The following TBC1D15 variants were observed in gnomAD, a reference collection of about 807,000 sequenced individuals.
TBC1D15 encodes the protein GAP for RAB7.
TBC1D15 carries 39 observed loss-of-function variants against 95.4 expected under a neutral mutation model. The observed-to-expected ratio is 0.41, with a 90% CI of 0.32 to 0.53. The LOEUF is 0.53. TBC1D15 is among the 20% of genes least tolerant of loss of function. TBC1D15 has a pLI of 0.29. For synonymous variants in TBC1D15, 258 were observed against 261.3 expected (o/e 0.99, Z 0.12); for missense variants, 733 against 794.3 (o/e 0.92, Z 0.93).
chr12:71,884,977 C>A lies in TBC1D15; in HGVS notation c.510C>A (p.Ser170Arg), dbSNP rs760324166. The A allele has an allele frequency of 2.5e-6, 4 of 1,613,904 alleles. No individual in the cohort carries two copies. Among genetic ancestry groups the A allele is most frequent in the Middle Eastern group, 1.7e-4 (1 of 6,060 alleles). ...CTCTACACTTTCATCAAGGAGATAG[C>A]AAACTACTGATTGAATCTCTTGAAA... ...LPALHFHQGD[S>R]KLLIESLEKY... The change falls in exon 5 of 17, where the codon AGC (serine) becomes AGA (arginine). Residue 170 changes from serine (S) to arginine (R), a missense_variant. Physicochemically the swap from Ser to Arg is moderately radical, Grantham distance 110 (BLOSUM62 -1). Coordinates refer to ENST00000485960, the MANE Select transcript of TBC1D15 (RefSeq NM_001146213.3).
At chr12:71,897,303 T>A (rs542841508) in intron 9 of TBC1D15, 2 of 154,112 alleles carry the variant, frequency 1.3e-5, no homozygotes, top group East Asian at 3.8e-4. Context: ...CTTCTTGTTC[T>A]CAGTTGTCAG....
At chr12:71,855,657 G>T in intron 1 of TBC1D15, among the ~76,000 whole-genome samples, 1 of 104,020 alleles carries the variant, frequency 9.6e-6, no homozygotes, top group African/African-American at 4.0e-5. Context: ...GACAGAGCGA[G>T]ACTCCATCTC....
At chr12:71,913,798 C>T in intron 11 of TBC1D15, 28 bp from the exon 12 acceptor site, 3 of 1,522,946 alleles carry the variant, frequency 2.0e-6, no homozygotes, top group Non-Finnish European at 2.7e-6. Context: ...CTTGGGTTTT[C>T]AGAGATGATT....
chr12:71,839,949 G>T (rs1029551608), intron 1 of TBC1D15, 138 bp downstream of exon 1: 1 of 1,099,328 alleles, frequency 9.1e-7, no homozygotes, highest in Non-Finnish European at 1.3e-6. Context: ...AGAAGACTGG[G>T]TGGTACCAGC....
intron 1 of TBC1D15, among the ~76,000 whole-genome samples, chr12:71,843,930 AT>A (rs545237451): frequency 6.6e-6 from 1 of 151,888 alleles, no homozygotes; most frequent in African/African-American, 2.4e-5. Flanking sequence ...TGTATTGTGC[AT>A]TTTTTTTAGT....
intron 11 of TBC1D15, among the ~76,000 whole-genome samples, chr12:71,908,612 A>G (rs1333698206): frequency 1.3e-5 from 2 of 152,144 alleles, no homozygotes; most frequent in African/African-American, 4.8e-5. Context: ...TGGTGACAGT[A>G]AGTCAAAAGT....
rs1017766525 is a variant in TBC1D15, at chr12:71,907,255, G to A, written c.1300+117G>A. 1.0e-5 allele frequency: 6 copies of A among 597,278 alleles called. No individual in the cohort carries two copies. In the East Asian group the frequency reaches 1.5e-4, roughly 15 times the overall value. The allele number at this position is 597,278 out of a possible 1,614,324, so 37.0% of individuals were successfully genotyped here. ...TGTAGGCCTAGTTTTAAGAGAATTT[G>A]TTCTCCAGGGGACTGGAAACTTACA... On this transcript the variant is annotated intron_variant, in intron 11 of 16. Coordinates refer to ENST00000485960, the MANE Select transcript of TBC1D15 (RefSeq NM_001146213.3).
Position 71,923,524 on chromosome 12 carries a change from C to T in TBC1D15, c.*320C>T, listed in dbSNP as rs1179518302. On this transcript the variant is annotated 3_prime_UTR_variant, in exon 17 of 17. Transcript: ENST00000485960. ...GAAATTATGCACTTTGAAAAACATT[C>T]ACTTTGTTTAAGCTTATTGGGTTTC... The T allele has an allele frequency of 4.2e-6, 1 of 238,370 alleles. No homozygotes were observed. Among genetic ancestry groups the T allele is most frequent in the South Asian group, 8.1e-5 (1 of 12,354 alleles). The allele number at this position is 238,370 out of a possible 1,614,324, so 14.8% of individuals were successfully genotyped here.
At position 71,840,454 on chromosome 12, in the gene TBC1D15, G is replaced by A. The variant is rs528318495; in HGVS notation, c.30+643G>A. On this transcript the variant is annotated intron_variant, in intron 1 of 16. Transcript: ENST00000485960. Reference sequence around the variant, plus strand: ...TTATTTCCTAGGCATTTCAGTAGGAGTATTGGTCATGCTGGTTTACGGAGG... The same window carrying A: ...TTATTTCCTAGGCATTTCAGTAGGAATATTGGTCATGCTGGTTTACGGAGG... Among the ~76,000 whole-genome samples, 15 of 152,298 alleles carry A rather than the reference G, an allele frequency of 9.8e-5. 1 individual carries two copies. The South Asian group carries it at 3.1e-3, about 32-fold the overall frequency.
At chr12:71,879,892 A>T (rs930301480) in intron 3 of TBC1D15, among the ~76,000 whole-genome samples, 1 of 152,176 alleles carries the variant, frequency 6.6e-6, no homozygotes, top group East Asian at 1.9e-4. Flanking sequence ...CTTTTGTTGT[A>T]TAGAAATTAA....
chr12:71,846,078 C>A (rs934886647), intron 1 of TBC1D15, among the ~76,000 whole-genome samples: 2 of 152,214 alleles, frequency 1.3e-5, no homozygotes, highest in South Asian at 2.1e-4. Flanking sequence ...TTTTCTGCCT[C>A]ATTTTTGCTT....
chr12:71,868,915 T>C (rs1316493898), intron 1 of TBC1D15: 2 of 152,224 alleles, frequency 1.3e-5, no homozygotes, highest in African/African-American at 4.8e-5. Flanking sequence ...TGAAGTGTTA[T>C]TTCTGAGTAT....
intron 10 of TBC1D15, among the ~76,000 whole-genome samples, chr12:71,905,072 T>C (rs1900353524): frequency 6.6e-6 from 1 of 152,222 alleles, no homozygotes; most frequent in Non-Finnish European, 1.5e-5. Context: ...TTTCTAGAAA[T>C]AATTATAAAA....
intron 10 of TBC1D15, among the ~76,000 whole-genome samples, chr12:71,906,143 G>A: frequency 6.6e-6 from 1 of 152,194 alleles, no homozygotes; most frequent in East Asian, 1.9e-4. Context: ...AAAGTGCTGG[G>A]ATTACAGGTG....
chr12:71,893,239 G>A lies in TBC1D15; in HGVS notation c.572G>A (p.Arg191Lys). 6.2e-7 allele frequency: 1 copy of A among 1,601,688 alleles called. No homozygotes were observed. The highest frequency in any genetic ancestry group is 8.5e-7 in the Non-Finnish European group (1 of 1,174,162). Residue 191 changes from arginine (R) to lysine (K), a missense_variant, in exon 6 of 17, where the codon AGA (arginine) becomes AAA (lysine). Arg to Lys is a conservative substitution (Grantham distance 26). Coordinates refer to ENST00000485960, the MANE Select transcript of TBC1D15 (RefSeq NM_001146213.3). ...VVLCESPQDK[R>K]TLLVNCQNKS... is the part of the protein sequence containing the mutation. ...TATTATAGATCTCCACAGGATAAAAGAACACTTCTTGTGAATTGTCAGAAT... is the reference window on the plus strand; with the variant it reads ...TATTATAGATCTCCACAGGATAAAAAAACACTTCTTGTGAATTGTCAGAAT...
At chr12:71,898,028 T>C (rs1273573552) in intron 10 of TBC1D15, 87 bp downstream of exon 10, 3 of 934,856 alleles carry the variant, frequency 3.2e-6, no homozygotes, top group Non-Finnish European at 5.1e-6. Flanking sequence ...TACATGGTAA[T>C]AGCACTAGGG....
intron 1 of TBC1D15, among the ~76,000 whole-genome samples, chr12:71,859,775 T>C (rs1324962763): frequency 6.6e-6 from 1 of 151,964 alleles, no homozygotes; most frequent in Non-Finnish European, 1.5e-5. Context: ...GCCCAGCTGA[T>C]TTCTTTTGTA....
chr12:71,915,448 T>TAAAAAAAAAAAAAAAAAAAAAAAAA (rs1236554792), intron 12 of TBC1D15, among the ~76,000 whole-genome samples: 1 of 130,510 alleles, frequency 7.7e-6, no homozygotes. Context: ...GTAGATATTC[T>TAAAAAAAAAAAAAAAAAAAAAAAAA]AAAAAAAAAA....
intron 16 of TBC1D15, among the ~76,000 whole-genome samples, chr12:71,922,719 T>G (rs1869898940): frequency 6.6e-6 from 1 of 152,210 alleles, no homozygotes; most frequent in Admixed American, 6.5e-5. Flanking sequence ...TGCCAAATAT[T>G]AGGACATGCT....
Sources: gnomAD v4.1 joint callset for allele counts (sites outside exome capture counted in the v4.1 genomes callset) on GRCh38, gnomAD v4.1.1 for gene constraint, MANE v1.5 for transcripts, NCBI Gene and HGNC (gene_info 2026-07-23, HGNC 2026-07-21) for gene names.